The following GIMAP7 variants were observed in gnomAD, a reference collection of about 807,000 sequenced individuals.
GIMAP7 encodes the protein GTPase, IMAP family member 7.
For synonymous variants in GIMAP7, 137 were observed against 129.3 expected (o/e 1.06, Z -0.40); for missense variants, 323 against 359.7 (o/e 0.90, Z 0.83).
chr7:150,520,412 A>C lies in GIMAP7; in HGVS notation c.438A>C (p.Ile146=). Residue 146 remains isoleucine (I), a synonymous_variant, in exon 2 of 2, where the codon ATA becomes ATC. Transcript: ENST00000313543. ...ELEGQSFHDF[I]ADADVGLKSI... ...AGGGCCAGAGCTTCCATGACTTCAT[A>C]GCAGATGCGGATGTGGGCCTAAAAA... 6.2e-7 allele frequency: 1 copy of C among 1,614,232 alleles called. No individual in the cohort carries two copies. The highest frequency in any genetic ancestry group is 1.3e-5 in the African/African-American group (1 of 75,048).
rs552427052 is a variant in GIMAP7, at chr7:150,516,978, T to C, written c.-42+2033T>C. Among the ~76,000 whole-genome samples, 14 of 152,328 alleles carry C rather than the reference T, an allele frequency of 9.2e-5. 1 individual carries two copies. The South Asian group carries it at 2.9e-3, about 32-fold the overall frequency. On this transcript the variant is annotated intron_variant, in intron 1 of 1. Coordinates refer to ENST00000313543, the MANE Select transcript of GIMAP7 (RefSeq NM_153236.4). ...ATGTTAATGATTGTCTAGAATGAAT[T>C]TGTTTCATTAAAAGTTACCAAAAGA...
chr7:150,518,645 T>G (rs1416462498), intron 1 of GIMAP7, among the ~76,000 whole-genome samples: 1 of 152,076 alleles, frequency 6.6e-6, no homozygotes, highest in Non-Finnish European at 1.5e-5. Context: ...AGTTTGATAT[T>G]TGTGTTTTAA....
At chr7:150,516,111 C>G (rs1795134842) in intron 1 of GIMAP7, among the ~76,000 whole-genome samples, 1 of 152,160 alleles carries the variant, frequency 6.6e-6, no homozygotes, top group Non-Finnish European at 1.5e-5. Context: ...TGAGCCACAC[C>G]AGCTTCCTCA....
chr7:150,518,443 C>G (rs569590599), intron 1 of GIMAP7, among the ~76,000 whole-genome samples: 197 of 152,088 alleles, frequency 1.3e-3, no homozygotes, highest in African/African-American at 4.4e-3. Context: ...TTATTTTTCT[C>G]TATTGTGAAT....
intron 1 of GIMAP7, among the ~76,000 whole-genome samples, chr7:150,519,219 A>T (rs1329351411): frequency 1.3e-5 from 2 of 152,180 alleles, no homozygotes; most frequent in Non-Finnish European, 2.9e-5. Flanking sequence ...AATGAACTTT[A>T]TAATCAACTA....
intron 1 of GIMAP7, among the ~76,000 whole-genome samples, chr7:150,516,742 G>A (rs1267269529): frequency 6.6e-6 from 1 of 152,196 alleles, no homozygotes; most frequent in Non-Finnish European, 1.5e-5. Context: ...ACAGAACTGG[G>A]CAGTATTCAT....
At chr7:150,515,379 C>T (rs1397952427) in intron 1 of GIMAP7, among the ~76,000 whole-genome samples, 13 of 152,070 alleles carry the variant, frequency 8.5e-5, no homozygotes, top group African/African-American at 2.9e-4. Flanking sequence ...TCACTCATGG[C>T]GGAGGAACAC....
chr7:150,516,514 C>T (rs1002356497), intron 1 of GIMAP7, among the ~76,000 whole-genome samples: 1 of 152,184 alleles, frequency 6.6e-6, no homozygotes, highest in African/African-American at 2.4e-5. Flanking sequence ...TCATAAACAG[C>T]CTTCAAAAGG....
At chr7:150,517,547 C>G (rs2116662271) in intron 1 of GIMAP7, among the ~76,000 whole-genome samples, 1 of 152,064 alleles carries the variant, frequency 6.6e-6, no homozygotes, top group East Asian at 1.9e-4. Context: ...ACTTGGCTGA[C>G]CATGGTTTAT....
rs1181980932 is a variant in GIMAP7, at chr7:150,521,046, A to G, written c.*169A>G. 1 of 235,978 alleles carries G rather than the reference A, an allele frequency of 4.2e-6. No homozygotes were observed. Among genetic ancestry groups the G allele is most frequent in the African/African-American group, 2.4e-5 (1 of 42,086 alleles). The allele number at this position is 235,978 out of a possible 1,614,324, so 14.6% of individuals were successfully genotyped here. On this transcript the variant is annotated 3_prime_UTR_variant, in exon 2 of 2. Coordinates refer to ENST00000313543, the MANE Select transcript of GIMAP7 (RefSeq NM_153236.4). ...TATATATATACACACATTGTGAAATAATGAAATAAAGGTAATTAACACATC... is the reference window on the plus strand; with the variant it reads ...TATATATATACACACATTGTGAAATGATGAAATAAAGGTAATTAACACATC...
rs1156684063 is a variant in GIMAP7 at position 150,520,449 on chromosome 7, G to T, written c.475G>T (p.Glu159Ter). The T allele has an allele frequency of 6.2e-7, 1 of 1,614,106 alleles. No homozygotes were observed. The highest frequency in any genetic ancestry group is 8.5e-7 in the Non-Finnish European group (1 of 1,180,056). The change falls in exon 2 of 2, where the codon GAG becomes TAG. Residue 159 changes from glutamate (E) to a stop codon, truncating the protein, a stop_gained. Transcript: ENST00000313543. LOFTEE classifies it low-confidence loss of function (END_TRUNC). ...TGTGGGCCTAAAAAGCATCGTCAAG[G>T]AGTGCGGGAACCGCTGCTGTGCCTT... ...ADVGLKSIVK[E>*]CGNRCCAFSN...
chr7:150,519,022 A>T (rs1795161357), intron 1 of GIMAP7, among the ~76,000 whole-genome samples: 1 of 152,170 alleles, frequency 6.6e-6, no homozygotes. Flanking sequence ...ATATAAATGA[A>T]CATAAAATGA....
rs932955394 is a variant in GIMAP7, at chr7:150,514,918, C to G, written c.-69C>G. 1.3e-5 allele frequency: 2 copies of G among 152,372 alleles called. No homozygotes were observed. The highest frequency in any genetic ancestry group is 4.8e-5 in the African/African-American group (2 of 41,442). 9.4% of individuals were successfully genotyped at this position (152,372 alleles called of 1,614,324 possible). A position where few individuals can be genotyped will look rare whatever the true frequency, so the allele number is the denominator to read the frequency against. On this transcript the variant is annotated 5_prime_UTR_variant, in exon 1 of 2. Transcript: ENST00000313543. Reference sequence around the variant, plus strand: ...GCTCAAGCAGCCTCCTTGGAGAAAACCTGAAAATTCAACTTGTTCAAGAGA... The same window carrying G: ...GCTCAAGCAGCCTCCTTGGAGAAAAGCTGAAAATTCAACTTGTTCAAGAGA...
At chr7:150,519,429 C>T (rs902860413) in intron 1 of GIMAP7, among the ~76,000 whole-genome samples, 7 of 152,126 alleles carry the variant, frequency 4.6e-5, no homozygotes, top group African/African-American at 1.4e-4. Flanking sequence ...TCAACATTCT[C>T]ATATTGACCC....
rs150079330 is a variant in GIMAP7, at chr7:150,516,545, A to G, written c.-42+1600A>G. Among the ~76,000 whole-genome samples, 23 of 152,374 alleles carry G rather than the reference A, an allele frequency of 1.5e-4. No homozygotes were observed. In the East Asian group the frequency reaches 4.2e-3, roughly 28 times the overall value. On this transcript the variant is annotated intron_variant, in intron 1 of 1. Coordinates refer to ENST00000313543, the MANE Select transcript of GIMAP7 (RefSeq NM_153236.4). Reference sequence around the variant, plus strand: ...AAAGGCAACTATAAATTTTAATACTACCAGTTGTATTCAGATTTCCCTGAA... The same window carrying G: ...AAAGGCAACTATAAATTTTAATACTGCCAGTTGTATTCAGATTTCCCTGAA...
chr7:150,518,509 C>T (rs1049397154), intron 1 of GIMAP7, among the ~76,000 whole-genome samples: 2 of 151,550 alleles, frequency 1.3e-5, no homozygotes, highest in African/African-American at 4.9e-5. Context: ...TTTTCTTTGG[C>T]CGTGGGTTCA....
Position 150,520,167 on chromosome 7 carries a change from C to G in GIMAP7, c.193C>G (p.Pro65Ala), listed in dbSNP as rs761682617. The change falls in exon 2 of 2, where the codon CCA becomes GCA. Residue 65 changes from proline to alanine, a missense_variant. Physicochemically the swap from Pro to Ala is conservative, Grantham distance 27. Coordinates refer to ENST00000313543, the MANE Select transcript of GIMAP7 (RefSeq NM_153236.4). ...GAGAGACCTTCTTGTTGTAGACACT[C>G]CAGGGCTCTTTGACACCAAGGAGAG... Reference protein sequence around the residue: ...QGRDLLVVDTPGLFDTKESLD... With the variant: ...QGRDLLVVDTAGLFDTKESLD... 11 of 1,613,996 alleles carry G rather than the reference C, an allele frequency of 6.8e-6. No individual in the cohort carries two copies. The African/African-American group carries it at 1.5e-4, about 22-fold the overall frequency.
chr7:150,515,760 G>C lies in GIMAP7; in HGVS notation c.-42+815G>C, dbSNP rs1490055250. 9.1e-5 allele frequency among the ~76,000 whole-genome samples: 3 copies of C among 33,052 alleles called. No individual in the cohort carries two copies. In the Admixed American group the frequency reaches 1.0e-3, roughly 11 times the overall value. 21.7% of individuals were successfully genotyped at this position (33,052 alleles called of 152,430 possible). A position where few individuals can be genotyped will look rare whatever the true frequency, so the allele number is the denominator to read the frequency against. On this transcript the variant is annotated intron_variant, in intron 1 of 1. Coordinates refer to ENST00000313543, the MANE Select transcript of GIMAP7 (RefSeq NM_153236.4). ...TTTTAAAACTTGAGAAAGTTTTAAA[G>C]TGATATTTCTGACCATCTCTCTCAC...
chr7:150,516,204 A>G (rs1795135778), intron 1 of GIMAP7, among the ~76,000 whole-genome samples: 1 of 152,220 alleles, frequency 6.6e-6, no homozygotes, highest in South Asian at 2.1e-4. Context: ...ATGTTTTATC[A>G]GGGTGTTCTG....
Sources: gnomAD v4.1 joint callset for allele counts (sites outside exome capture counted in the v4.1 genomes callset) on GRCh38, gnomAD v4.1.1 for gene constraint, MANE v1.5 for transcripts, NCBI Gene and HGNC (gene_info 2026-07-23, HGNC 2026-07-21) for gene names.